GK5: variants seen among roughly 807,000 people sequenced by gnomAD.
GK5 encodes ATP:glycerol 3-phosphotransferase 5.
In GK5, 39 loss-of-function variants were observed where a neutral mutation model predicts 77.3. That is an observed-to-expected ratio of 0.50 (90% CI 0.39 to 0.66). GK5 has a LOEUF of 0.66. Among genes scored for constraint, GK5 ranks in the 30% least tolerant of loss-of-function variants. The pLI is 0.00. For missense variants in GK5, 487 were observed against 633.8 expected (o/e 0.77, Z 2.49); for synonymous variants, 211 against 208.0 (o/e 1.01, Z -0.13).
At chr3:142,171,124 G>A (rs578144905) in intron 14 of GK5, among the ~76,000 whole-genome samples, 9 of 152,176 alleles carry the variant, frequency 5.9e-5, no homozygotes, top group African/African-American at 9.6e-5. Context: ...ACAACTACTC[G>A]GGATAGTGAG....
At position 142,165,348 on chromosome 3, in the gene GK5, C is replaced by T. The variant is rs1189646774; in HGVS notation, c.*274G>A. On this transcript the variant is annotated 3_prime_UTR_variant, in exon 16 of 16. Coordinates refer to ENST00000392993, the MANE Select transcript of GK5 (RefSeq NM_001039547.3). ...AAAAAGGAAGAGGACCCATAACTGTCAAAATGTGGTTGGAAATGACTAATG... is the reference window on the plus strand; with the variant it reads ...AAAAAGGAAGAGGACCCATAACTGTTAAAATGTGGTTGGAAATGACTAATG... 3.6e-6 allele frequency: 1 copy of T among 279,810 alleles called. No homozygotes were observed. The highest frequency in any genetic ancestry group is 2.2e-5 in the African/African-American group (1 of 45,370). The allele number at this position is 279,810 out of a possible 1,614,324, so 17.3% of individuals were successfully genotyped here.
chr3:142,209,540 T>C (rs1328653253), intron 3 of GK5, among the ~76,000 whole-genome samples: 1 of 152,152 alleles, frequency 6.6e-6, no homozygotes, highest in Admixed American at 6.5e-5. Flanking sequence ...AAAGGAAAAA[T>C]GAAGGAAAAG....
intron 1 of GK5, among the ~76,000 whole-genome samples, chr3:142,224,175 C>T (rs988020576): frequency 3.9e-5 from 6 of 152,054 alleles, no homozygotes; most frequent in Non-Finnish European, 7.4e-5. Context: ...GAGGCCGAGG[C>T]GGGTGAATTA....
chr3:142,222,869 G>A (rs761209932), intron 1 of GK5, among the ~76,000 whole-genome samples: 43 of 152,296 alleles, frequency 2.8e-4, no homozygotes, highest in Non-Finnish European at 5.0e-4. Context: ...ATTCTGCTAA[G>A]TTGCTACACA....
chr3:142,170,095 T>C, intron 15 of GK5: 1 of 593,224 alleles, frequency 1.7e-6, no homozygotes, highest in Non-Finnish European at 3.0e-6. Context: ...TAACTGTTCT[T>C]GTCTCATACT....
chr3:142,173,322 G>A (rs1041155828), intron 12 of GK5: 2 of 307,894 alleles, frequency 6.5e-6, no homozygotes, highest in African/African-American at 4.4e-5. Context: ...CTGGAAGTAT[G>A]TATTAATCAG....
At chr3:142,215,812 T>TA in intron 1 of GK5, 120 bp from the exon 2 acceptor site, 1 of 574,434 alleles carries the variant, frequency 1.7e-6, no homozygotes, top group Non-Finnish European at 3.1e-6. Flanking sequence ...AATTAATTTT[T>TA]ATTGTTAAAA....
intron 5 of GK5, among the ~76,000 whole-genome samples, chr3:142,191,405 A>G (rs1299070583): frequency 6.6e-6 from 1 of 151,974 alleles, no homozygotes. Context: ...CTACACATTA[A>G]AAAAAAACTT....
rs1161704184 is a variant in GK5 at position 142,184,260 on chromosome 3, C to CAAAAAA, written c.817-1217_817-1212dup. Among the ~76,000 whole-genome samples, 43 of 10,664 alleles carry CAAAAAA rather than the reference C, an allele frequency of 4.0e-3. 5 individuals are homozygous for CAAAAAA. The highest frequency in any genetic ancestry group is 4.7e-3 in the African/African-American group (12 of 2,568). The allele number at this position is 10,664 out of a possible 152,430, so 7.0% of individuals were successfully genotyped here. A position where few individuals can be genotyped will look rare whatever the true frequency, so the allele number is the denominator to read the frequency against. ...TGGGCGACAGAGTGAGACTCTGTCT[C>CAAAAAA]AAAAAAAAAAAAAAAAAAAAAAAAA... On this transcript the variant is annotated intron_variant, in intron 9 of 15. Transcript: ENST00000392993.
At chr3:142,172,274 T>A (rs2063549233) in intron 13 of GK5, 79 bp downstream of exon 13, 1 of 667,766 alleles carries the variant, frequency 1.5e-6, no homozygotes, top group Non-Finnish European at 2.6e-6. Context: ...AATTAAGAAA[T>A]TTTCCATTTA....
intron 5 of GK5, among the ~76,000 whole-genome samples, chr3:142,197,610 A>C (rs2063953212): frequency 6.6e-6 from 1 of 152,256 alleles, no homozygotes; most frequent in Non-Finnish European, 1.5e-5. Context: ...GATGGCTAAA[A>C]TATAGACTAA....
intron 4 of GK5, among the ~76,000 whole-genome samples, chr3:142,201,614 A>C (rs941789333): frequency 2.0e-5 from 3 of 152,322 alleles, no homozygotes; most frequent in African/African-American, 7.2e-5. Context: ...AGATAGGAAA[A>C]AATTGTATAG....
At chr3:142,222,470 C>A (rs954727806) in intron 1 of GK5, among the ~76,000 whole-genome samples, 1 of 151,660 alleles carries the variant, frequency 6.6e-6, no homozygotes, top group African/African-American at 2.4e-5. Context: ...GAGGCTGAGG[C>A]AGGAGAATAG....
Position 142,162,172 on chromosome 3 carries a change from T to G in GK5, c.*3450A>C, listed in dbSNP as rs1276756172. ...TTTCAAGATACGATTAACTAATTTT[T>G]TTGCTAACAACCATTTCCTAAGGTA... On this transcript the variant is annotated 3_prime_UTR_variant, in exon 16 of 16. Transcript: ENST00000392993. 6.6e-6 allele frequency: 1 copy of G among 152,192 alleles called. No homozygotes were observed. The highest frequency in any genetic ancestry group is 2.4e-5 in the African/African-American group (1 of 41,446). The allele number at this position is 152,192 out of a possible 1,614,324, so 9.4% of individuals were successfully genotyped here.
At chr3:142,224,588 T>C (rs2064401339) in intron 1 of GK5, among the ~76,000 whole-genome samples, 1 of 152,184 alleles carries the variant, frequency 6.6e-6, no homozygotes, top group Non-Finnish European at 1.5e-5. Context: ...AACCAATGAT[T>C]TGGCAGGTCT....
At chr3:142,201,382 G>C (rs1031306028) in intron 4 of GK5, among the ~76,000 whole-genome samples, 1 of 152,054 alleles carries the variant, frequency 6.6e-6, no homozygotes, top group East Asian at 1.9e-4. Flanking sequence ...ATCCCAAAAG[G>C]TTATATATTT....
intron 1 of GK5, among the ~76,000 whole-genome samples, chr3:142,222,926 C>T (rs980935529): frequency 6.6e-6 from 1 of 152,208 alleles, no homozygotes; most frequent in African/African-American, 2.4e-5. Context: ...TCCCAGCAGC[C>T]CCGTAACTAC....
intron 12 of GK5, among the ~76,000 whole-genome samples, chr3:142,173,977 G>A (rs986131350): frequency 6.6e-6 from 1 of 152,188 alleles, no homozygotes; most frequent in Middle Eastern, 3.4e-3. Context: ...GGCTTCCTCA[G>A]GGAAAACTCT....
intron 5 of GK5, among the ~76,000 whole-genome samples, chr3:142,198,237 T>G (rs1183278534): frequency 1.3e-5 from 2 of 152,158 alleles, no homozygotes; most frequent in Non-Finnish European, 2.9e-5. Context: ...ATAAGCAAAG[T>G]AATTTACACA....
Sources: gnomAD v4.1 joint callset for allele counts (sites outside exome capture counted in the v4.1 genomes callset) on GRCh38, gnomAD v4.1.1 for gene constraint, MANE v1.5 for transcripts, NCBI Gene and HGNC (gene_info 2026-07-23, HGNC 2026-07-21) for gene names.